The following ELOVL7 variants were observed in gnomAD, a reference collection of about 807,000 sequenced individuals.
The protein encoded by ELOVL7 is ELOVL fatty acid elongase 7.
A neutral mutation model predicts 35.7 loss-of-function variants in ELOVL7; 27 were observed. The observed-to-expected ratio is 0.76, with a 90% CI of 0.56 to 1.04. The LOEUF (loss-of-function observed/expected upper bound fraction) is 1.04, where lower values mean the gene tolerates loss of function less well. Ranked by LOEUF, ELOVL7 falls within the 50% of genes least tolerant of loss-of-function variation. ELOVL7 has a pLI of 0.00. For missense variants in ELOVL7, 327 were observed against 340.8 expected (o/e 0.96, Z 0.32); for synonymous variants, 113 against 114.6 (o/e 0.99, Z 0.09).
At chr5:60,825,136 G>A (rs1746096885) in intron 1 of ELOVL7, among the ~76,000 whole-genome samples, 1 of 151,878 alleles carries the variant, frequency 6.6e-6, no homozygotes, top group Non-Finnish European at 1.5e-5. Context: ...CTGACCTCAA[G>A]TGATCCACCC....
intron 1 of ELOVL7, among the ~76,000 whole-genome samples, chr5:60,817,633 AT>A (rs1225878814): frequency 1.4e-5 from 2 of 147,532 alleles, no homozygotes; most frequent in Middle Eastern, 7.1e-3. Flanking sequence ...ATATATGTAT[AT>A]TAGTATATAT....
chr5:60,809,977 A>G (rs1438883339), intron 1 of ELOVL7, among the ~76,000 whole-genome samples: 1 of 152,200 alleles, frequency 6.6e-6, no homozygotes, highest in Non-Finnish European at 1.5e-5. Flanking sequence ...AGGTTCCTGA[A>G]TTCTTCTTTT....
intron 3 of ELOVL7, among the ~76,000 whole-genome samples, chr5:60,779,346 C>T (rs1743095915): frequency 6.6e-6 from 1 of 152,202 alleles, no homozygotes; most frequent in African/African-American, 2.4e-5. Context: ...TAGAGGCTCT[C>T]CATGAGGGCT....
intron 1 of ELOVL7, among the ~76,000 whole-genome samples, chr5:60,819,735 A>C (rs1181690616): frequency 2.6e-5 from 4 of 152,128 alleles, no homozygotes; most frequent in African/African-American, 9.7e-5. Context: ...GCAGTGAGCC[A>C]AGATCGAGCC....
intron 1 of ELOVL7, among the ~76,000 whole-genome samples, chr5:60,825,535 G>C (rs6894795): frequency 0.81 from 123,435 of 152,214 alleles, 50,278 homozygotes; most frequent in East Asian, 0.91. Context: ...GGGCAGGGAT[G>C]TTCTTCTGTT....
intron 2 of ELOVL7, among the ~76,000 whole-genome samples, 197 bp from the exon 3 acceptor site, chr5:60,787,628 T>G (rs1402081749): frequency 6.6e-6 from 1 of 152,230 alleles, no homozygotes; most frequent in African/African-American, 2.4e-5. Flanking sequence ...TTTTCCATCC[T>G]TCTAGAGACA....
At chr5:60,775,554 C>A (rs1411328041) in intron 3 of ELOVL7, among the ~76,000 whole-genome samples, 1 of 152,132 alleles carries the variant, frequency 6.6e-6, no homozygotes, top group Non-Finnish European at 1.5e-5. Context: ...AAGCTGGAGG[C>A]ATCACATTAT....
chr5:60,826,075 A>C lies in ELOVL7; in HGVS notation c.-86+18085T>G, dbSNP rs1486471836. On this transcript the variant is annotated intron_variant, in intron 1 of 8. Transcript: ENST00000508821. Reference sequence around the variant, plus strand: ...AATGGTCTTTCCTATTACAAATCTGAATACAGGGGAGGTATTACGGTACAT... The same window carrying C: ...AATGGTCTTTCCTATTACAAATCTGCATACAGGGGAGGTATTACGGTACAT... 2.6e-5 allele frequency among the ~76,000 whole-genome samples: 4 copies of C among 152,222 alleles called. No individual in the cohort carries two copies. In the South Asian group the frequency reaches 8.3e-4, roughly 31 times the overall value.
intron 1 of ELOVL7, among the ~76,000 whole-genome samples, chr5:60,838,925 A>G (rs1746990147): frequency 6.6e-6 from 1 of 152,048 alleles, no homozygotes; most frequent in Admixed American, 6.6e-5. Flanking sequence ...CAGGAGGCTG[A>G]GGCTGGAGAA....
At chr5:60,826,488 A>G (rs992949858) in intron 1 of ELOVL7, among the ~76,000 whole-genome samples, 2 of 152,156 alleles carry the variant, frequency 1.3e-5, no homozygotes, top group Non-Finnish European at 2.9e-5. Flanking sequence ...GTCCTCTGGG[A>G]CTACCCCTAT....
At chr5:60,809,379 G>T (rs1029910508) in intron 1 of ELOVL7, among the ~76,000 whole-genome samples, 4 of 152,170 alleles carry the variant, frequency 2.6e-5, no homozygotes, top group African/African-American at 9.7e-5. Context: ...AGGAGGCATT[G>T]AAAGTAGCTA....
chr5:60,830,544 T>C (rs956600218), intron 1 of ELOVL7, among the ~76,000 whole-genome samples: 9 of 151,534 alleles, frequency 5.9e-5, no homozygotes, highest in African/African-American at 2.2e-4. Context: ...TAACCTCAGG[T>C]AAGGTACCTG....
chr5:60,841,600 A>G (rs1561481365), intron 1 of ELOVL7, among the ~76,000 whole-genome samples: 1 of 152,152 alleles, frequency 6.6e-6, no homozygotes, highest in Non-Finnish European at 1.5e-5. Context: ...GTTTTTGTGA[A>G]AAGATTCCTA....
chr5:60,817,178 A>C (rs1244179129), intron 1 of ELOVL7, among the ~76,000 whole-genome samples: 2 of 152,064 alleles, frequency 1.3e-5, no homozygotes, highest in Non-Finnish European at 2.9e-5. Flanking sequence ...AAAGGAAAAC[A>C]TAAGTATCTC....
At chr5:60,761,962 G>A (rs1741942640) in intron 7 of ELOVL7, among the ~76,000 whole-genome samples, 1 of 152,092 alleles carries the variant, frequency 6.6e-6, no homozygotes, top group Non-Finnish European at 1.5e-5. Flanking sequence ...GGCTCGGTTA[G>A]TTTCTGCTAG....
At chr5:60,780,352 T>G (rs1437907417) in intron 3 of ELOVL7, among the ~76,000 whole-genome samples, 1 of 152,116 alleles carries the variant, frequency 6.6e-6, no homozygotes, top group East Asian at 1.9e-4. Context: ...ACTCCCGACC[T>G]CAGGTGACTC....
chr5:60,766,469 G>A, intron 6 of ELOVL7, 105 bp downstream of exon 6: 2 of 959,408 alleles, frequency 2.1e-6, no homozygotes, highest in South Asian at 1.9e-5. Flanking sequence ...AAAGTTATCA[G>A]ACAACTGAAA....
intron 1 of ELOVL7, among the ~76,000 whole-genome samples, chr5:60,827,736 C>T (rs1484675776): frequency 6.6e-6 from 1 of 152,098 alleles, no homozygotes; most frequent in Non-Finnish European, 1.5e-5. Flanking sequence ...ATTAACTTAA[C>T]CTGCAATGAT....
chr5:60,757,192 A>G (rs112870115), intron 8 of ELOVL7, among the ~76,000 whole-genome samples: 51 of 152,050 alleles, frequency 3.4e-4, no homozygotes, highest in African/African-American at 1.2e-3. Context: ...CGGAATTTCT[A>G]ATTTCTAATA....
Sources: allele counts gnomAD v4.1 joint callset (sites outside exome capture counted in the v4.1 genomes callset), GRCh38; gene constraint gnomAD v4.1.1; transcripts MANE v1.5; gene names NCBI Gene and HGNC (gene_info 2026-07-23, HGNC 2026-07-21).